Variants in RBPJ observed in about 807,000 individuals in gnomAD.
RBPJ encodes the protein recombining binding protein suppressor of hairless.
In RBPJ, 9 loss-of-function variants were observed where a neutral mutation model predicts 67.8. That is an observed-to-expected ratio of 0.13 (90% CI 0.08 to 0.23). The LOEUF (loss-of-function observed/expected upper bound fraction) is 0.23, where lower values mean the gene tolerates loss of function less well. Among genes scored for constraint, RBPJ ranks in the 10% least tolerant of loss-of-function variants. RBPJ has a pLI of 1.00. For missense variants in RBPJ, 305 were observed against 595.6 expected, an observed-to-expected ratio of 0.51 and a Z score of 5.08; for synonymous variants, 198 against 203.3, an observed-to-expected ratio of 0.97 and a Z score of 0.22.
chr4:26,254,238 G>T (rs1476035249), intron 1 of RBPJ, among the ~76,000 whole-genome samples: 2 of 148,774 alleles, frequency 1.3e-5, no homozygotes, highest in East Asian at 1.9e-4. Context: ...CTCTCCAATG[G>T]CTTCTACTGC....
At chr4:26,355,013 T>C (rs1007641338) in intron 1 of RBPJ, among the ~76,000 whole-genome samples, 1 of 152,216 alleles carries the variant, frequency 6.6e-6, no homozygotes, top group Non-Finnish European at 1.5e-5. Flanking sequence ...AAAACTTGAT[T>C]TAAAACTTGT....
chr4:26,220,843 C>T (rs1291280693), intron 1 of RBPJ, among the ~76,000 whole-genome samples: 4 of 152,210 alleles, frequency 2.6e-5, no homozygotes, highest in Non-Finnish European at 5.9e-5. Flanking sequence ...CTCCCCTGGC[C>T]TGAGGTCCAG....
chr4:26,335,922 A>C (rs532730291), intron 1 of RBPJ, among the ~76,000 whole-genome samples: 1 of 152,132 alleles, frequency 6.6e-6, no homozygotes, highest in South Asian at 2.1e-4. Context: ...CACGCCCGGC[A>C]ATGCTTACTT....
At chr4:26,193,221 C>A (rs879391897) in intron 1 of RBPJ, among the ~76,000 whole-genome samples, 2 of 152,164 alleles carry the variant, frequency 1.3e-5, no homozygotes, top group African/African-American at 2.4e-5. Flanking sequence ...GGGAAGTTAT[C>A]ACAGTAGTAA....
intron 1 of RBPJ, among the ~76,000 whole-genome samples, chr4:26,243,503 G>A (rs1719719658): frequency 1.3e-5 from 2 of 152,152 alleles, no homozygotes; most frequent in African/African-American, 2.4e-5. Context: ...TGATATTAAT[G>A]AATAAGATGT....
chr4:26,214,556 AAG>A (rs1249096579), intron 1 of RBPJ, among the ~76,000 whole-genome samples: 1 of 104,104 alleles, frequency 9.6e-6, no homozygotes, highest in African/African-American at 3.7e-5. Context: ...AGGGAGGGAA[AAG>A]AGAGAGAAAA....
chr4:26,116,521 C>T, the RBPJ span, among the ~76,000 whole-genome samples: 1 of 152,194 alleles, frequency 6.6e-6, no homozygotes, highest in South Asian at 2.1e-4. Flanking sequence ...TCTGGAAGTC[C>T]CCTGGAGATA....
intron 1 of RBPJ, among the ~76,000 whole-genome samples, chr4:26,179,718 G>T (rs1329170058): frequency 6.6e-6 from 1 of 152,108 alleles, no homozygotes; most frequent in East Asian, 1.9e-4. Context: ...ACTGTCAGTG[G>T]GAGTGTAAAT....
intron 3 of RBPJ, among the ~76,000 whole-genome samples, chr4:26,407,442 T>G (rs1181298831): frequency 6.6e-6 from 1 of 152,224 alleles, no homozygotes; most frequent in African/African-American, 2.4e-5. Context: ...ACAAGGTGAT[T>G]TTTAAAAAAT....
rs1416973164 is a variant in RBPJ, at chr4:26,415,364, A to G, written c.156-111A>G. Reference sequence around the variant, plus strand: ...TCACCAAAATTTTTCATTGGGGAATAGGTGCATTTCAATATGATTTTGTAT... The same window carrying G: ...TCACCAAAATTTTTCATTGGGGAATGGGTGCATTTCAATATGATTTTGTAT... On this transcript the variant is annotated intron_variant, in intron 3 of 10. Transcript: ENST00000355476. 6.6e-6 allele frequency: 6 copies of G among 915,926 alleles called. No homozygotes were observed. In the African/African-American group the frequency reaches 8.5e-5, roughly 13 times the overall value. The allele number at this position is 915,926 out of a possible 1,614,324, so 56.7% of individuals were successfully genotyped here. A position where few individuals can be genotyped will look rare whatever the true frequency, so the allele number is the denominator to read the frequency against.
At chr4:26,190,760 T>C (rs962914132) in intron 1 of RBPJ, among the ~76,000 whole-genome samples, 3 of 152,134 alleles carry the variant, frequency 2.0e-5, no homozygotes, top group African/African-American at 7.2e-5. Context: ...TAGAGTAAGC[T>C]GTCAATCAAT....
At chr4:26,362,384 C>G (rs1728156742) in intron 1 of RBPJ, 1 of 1,003,624 alleles carries the variant, frequency 1.0e-6, no homozygotes, top group South Asian at 2.3e-5. Flanking sequence ...GCAGTTAACA[C>G]AGTGCACTAG....
chr4:26,338,874 T>G (rs997328203), intron 1 of RBPJ, among the ~76,000 whole-genome samples: 17 of 148,836 alleles, frequency 1.1e-4, no homozygotes, highest in African/African-American at 3.5e-4. Context: ...CAAAGTTGGG[T>G]GTGTGTGTGT....
intron 1 of RBPJ, among the ~76,000 whole-genome samples, chr4:26,376,049 C>T (rs1006249256): frequency 4.6e-5 from 7 of 152,188 alleles, no homozygotes; most frequent in Admixed American, 4.6e-4. Context: ...GGACCCTTCA[C>T]AGCTGAGCTT....
At chr4:26,124,415 CATATATATATATATATATATATATATAT>C in the RBPJ span, among the ~76,000 whole-genome samples, 64 of 62,436 alleles carry the variant, frequency 1.0e-3, 1 homozygote, top group East Asian at 7.4e-3. Flanking sequence ...AGTATTCCAT[CATATATATATATATATATATATATATAT>C]ATATATATAT....
chr4:26,333,804 C>T (rs1415697798), intron 1 of RBPJ, among the ~76,000 whole-genome samples: 1 of 152,114 alleles, frequency 6.6e-6, no homozygotes, highest in East Asian at 1.9e-4. Context: ...ATCCTCCTGC[C>T]TCAGCCTGCC....
chr4:26,381,663 T>A (rs1403712198), intron 1 of RBPJ, among the ~76,000 whole-genome samples: 1 of 152,122 alleles, frequency 6.6e-6, no homozygotes, highest in East Asian at 1.9e-4. Context: ...TACTGGGTGG[T>A]GATGGTAAGC....
At chr4:26,125,712 T>C in the RBPJ span, among the ~76,000 whole-genome samples, 1 of 151,550 alleles carries the variant, frequency 6.6e-6, no homozygotes. Context: ...GGCAGGAGAA[T>C]CGCTTAGACC....
intron 1 of RBPJ, among the ~76,000 whole-genome samples, chr4:26,363,777 G>A (rs2725308): frequency 0.7 from 106,737 of 152,108 alleles, 37,764 homozygotes; most frequent in East Asian, 0.84. Context: ...TGTGATTATT[G>A]TTTATTTAAC....
Sources: allele counts gnomAD v4.1 joint callset (sites outside exome capture counted in the v4.1 genomes callset), GRCh38; gene constraint gnomAD v4.1.1; transcripts MANE v1.5; gene names NCBI Gene and HGNC (gene_info 2026-07-23, HGNC 2026-07-21).